The following SLC7A14 variants were observed in gnomAD, a reference collection of about 807,000 sequenced individuals.
SLC7A14 encodes the protein solute carrier family 7 member 14, also known as gamma-aminobutyric acid transporter SLC7A14.
Under a neutral mutation model 60.2 loss-of-function variants are expected in SLC7A14, and 37 were observed. That is an observed-to-expected ratio of 0.61 (90% confidence interval 0.47 to 0.81). The LOEUF (loss-of-function observed/expected upper bound fraction) is 0.81, where lower values mean the gene tolerates loss of function less well. Among genes scored for constraint, SLC7A14 ranks in the 30% least tolerant of loss-of-function variants. The probability of loss-of-function intolerance (pLI) is 0.00; values close to 1 mark genes in which losing one functional copy is unlikely to be tolerated. For synonymous variants in SLC7A14, 399 were observed against 395.8 expected (o/e 1.01, Z -0.10); for missense variants, 886 against 982.7 (o/e 0.90, Z 1.32).
At chr3:170,496,381 T>G (rs373451686) in intron 4 of SLC7A14, 3 of 1,416,426 alleles carry the variant, frequency 2.1e-6, no homozygotes, top group African/African-American at 2.8e-5. Flanking sequence ...ATCAGCCGGC[T>G]CCAGGCTGAG....
intron 7 of SLC7A14, among the ~76,000 whole-genome samples, chr3:170,472,291 C>T (rs1345304817): frequency 6.6e-6 from 1 of 151,180 alleles, no homozygotes; most frequent in Non-Finnish European, 1.5e-5. Context: ...ACTGCTTGAA[C>T]CCAGGAGGTG....
chr3:170,474,887 G>A (rs1245915237), intron 7 of SLC7A14, among the ~76,000 whole-genome samples: 1 of 152,190 alleles, frequency 6.6e-6, no homozygotes, highest in Non-Finnish European at 1.5e-5. Flanking sequence ...TATGGTAAGG[G>A]CAAGCTATTC....
intron 2 of SLC7A14, among the ~76,000 whole-genome samples, chr3:170,524,227 T>C (rs866569825): frequency 6.6e-6 from 1 of 152,220 alleles, no homozygotes; most frequent in Non-Finnish European, 1.5e-5. Flanking sequence ...CCTCCATAGC[T>C]GATGCCAAGT....
chr3:170,527,024 C>T lies in SLC7A14; in HGVS notation c.-88G>A. The T allele has an allele frequency of 2.2e-6, 3 of 1,391,780 alleles. No homozygotes were observed. Among genetic ancestry groups the T allele is most frequent in the Non-Finnish European group, 1.9e-6 (2 of 1,036,792 alleles). The allele number at this position is 1,391,780 out of a possible 1,614,324, so 86.2% of individuals were successfully genotyped here. ...ATGGTTCTGGAACTCATCTAGTGAA[C>T]AGGGATCTCCCTTTTAGGAAAGGCC... On this transcript the variant is annotated 5_prime_UTR_variant, in exon 2 of 8. Coordinates refer to ENST00000231706, the MANE Select transcript of SLC7A14 (RefSeq NM_020949.3).
In SLC7A14 at chr3:170,483,415, C is replaced by T. The variant is rs751319717; in HGVS notation, c.1014G>A (p.Val338=). ...AHGFYAAKFV[V]AIGSVAGLTV... ...TCAGTCCTGCAACCGACCCAATGGC[C>T]ACTACGAATTTGGCAGCATAGAACC... Residue 338 remains valine (V), a synonymous_variant, in exon 6 of 8, where the codon GTG becomes GTA. Transcript: ENST00000231706. 1 of 1,614,232 alleles carries T rather than the reference C, an allele frequency of 6.2e-7. No homozygotes were observed. Among genetic ancestry groups the T allele is most frequent in the South Asian group, 1.1e-5 (1 of 91,086 alleles).
intron 7 of SLC7A14, among the ~76,000 whole-genome samples, chr3:170,477,745 T>G (rs558697468): frequency 6.6e-6 from 1 of 152,342 alleles, no homozygotes; most frequent in South Asian, 2.1e-4. Context: ...CAGGTGAAAA[T>G]GTACAATAAC....
At chr3:170,574,525 T>C (rs1014407768) in intron 1 of SLC7A14, among the ~76,000 whole-genome samples, 1 of 152,232 alleles carries the variant, frequency 6.6e-6, no homozygotes, top group Non-Finnish European at 1.5e-5. Context: ...TCTGCCCTTT[T>C]TCTTCCTGAG....
chr3:170,474,329 G>C (rs1711550882), intron 7 of SLC7A14, among the ~76,000 whole-genome samples: 3 of 152,220 alleles, frequency 2.0e-5, no homozygotes, highest in Admixed American at 2.0e-4. Context: ...AGGAGAGCCA[G>C]TGTCTCAGCT....
chr3:170,551,605 G>A (rs1714354059), intron 1 of SLC7A14, among the ~76,000 whole-genome samples: 2 of 152,200 alleles, frequency 1.3e-5, no homozygotes, highest in African/African-American at 2.4e-5. Context: ...TAAAGGGTGT[G>A]AAGTTGTATC....
rs761097710 is a variant in SLC7A14 at position 170,481,094 on chromosome 3, C to T, written c.1188G>A (p.Ala396=). ...VACIVSGFLA[A]LLALLVSLRD... is the part of the protein sequence containing the mutation. ...TCAAGCTGACCAACAGTGCGAGGAG[C>T]GCTGCCAGGAACCCCGACACGATGC... Residue 396 remains alanine (A), a synonymous_variant, in exon 7 of 8, where the codon GCG becomes GCA. Coordinates refer to ENST00000231706, the MANE Select transcript of SLC7A14 (RefSeq NM_020949.3). The T allele has an allele frequency of 6.8e-6, 11 of 1,614,108 alleles. No individual in the cohort carries two copies. The highest frequency in any genetic ancestry group is 2.2e-5 in the East Asian group (1 of 44,876).
At chr3:170,513,597 G>A (rs7431790) in intron 2 of SLC7A14, among the ~76,000 whole-genome samples, 3 of 152,196 alleles carry the variant, frequency 2.0e-5, no homozygotes, top group South Asian at 2.1e-4. Context: ...TGAGAGTGAC[G>A]AGTGGTGAAG....
chr3:170,516,360 A>G (rs1371529267), intron 2 of SLC7A14, among the ~76,000 whole-genome samples: 1 of 152,150 alleles, frequency 6.6e-6, no homozygotes, highest in Non-Finnish European at 1.5e-5. Context: ...GGTGAGGTAC[A>G]GGGTCTTTTG....
intron 4 of SLC7A14, chr3:170,496,333 G>A (rs767786924): frequency 8.2e-6 from 9 of 1,102,144 alleles, no homozygotes; most frequent in Non-Finnish European, 1.3e-5. Flanking sequence ...GATGACCTGC[G>A]GTGTACAAAG....
chr3:170,470,745 G>GAGAGA (rs1224444257), intron 7 of SLC7A14, among the ~76,000 whole-genome samples: 2 of 152,226 alleles, frequency 1.3e-5, no homozygotes, highest in East Asian at 3.9e-4. Flanking sequence ...GAGGGAGAGA[G>GAGAGA]AGAGAAGAGA....
chr3:170,546,961 A>G (rs1714198187), intron 1 of SLC7A14, among the ~76,000 whole-genome samples: 1 of 152,194 alleles, frequency 6.6e-6, no homozygotes, highest in Non-Finnish European at 1.5e-5. Context: ...TTTTAAAAAT[A>G]ATAATGTCCA....
Position 170,480,894 on chromosome 3 carries a change from G to A in SLC7A14, c.1388C>T (p.Ala463Val). 3 of 1,614,068 alleles carry A rather than the reference G, an allele frequency of 1.9e-6. No individual in the cohort carries two copies. The highest frequency in any genetic ancestry group is 2.5e-6 in the Non-Finnish European group (3 of 1,180,024). The change falls in exon 7 of 8, where the codon GCT becomes GTT. Residue 463 changes from alanine (A) to valine (V), a missense_variant. Coordinates refer to ENST00000231706, the MANE Select transcript of SLC7A14 (RefSeq NM_020949.3). Reference protein sequence around the residue: ...EGILADCEKEACSPVSEGDEF... With the variant: ...EGILADCEKEVCSPVSEGDEF... The stretch of plus-strand genomic sequence containing the variant: ...ATCCCCCTCACTCACAGGAGAACAA[G>A]CTTCCTTCTCACAGTCAGCCAGAAT...
intron 5 of SLC7A14, among the ~76,000 whole-genome samples, chr3:170,484,711 A>T (rs59116142): frequency 0.16 from 24,317 of 152,168 alleles, 2,028 homozygotes; most frequent in East Asian, 0.23. Context: ...TGTTCTTCTC[A>T]TGGTGGGGGA....
intron 1 of SLC7A14, among the ~76,000 whole-genome samples, chr3:170,537,769 A>G (rs1200118578): frequency 1.3e-5 from 2 of 152,214 alleles, no homozygotes; most frequent in Non-Finnish European, 2.9e-5. Context: ...TTGAGGCCAC[A>G]CCCAAGTGAT....
chr3:170,498,962 A>G (rs945065124), intron 3 of SLC7A14, 78 bp from the exon 4 acceptor site: 8 of 1,383,648 alleles, frequency 5.8e-6, no homozygotes, highest in Non-Finnish European at 8.1e-6. Flanking sequence ...ACCCCACTGC[A>G]TCCGTACTCA....
Sources: allele counts gnomAD v4.1 joint callset (sites outside exome capture counted in the v4.1 genomes callset), GRCh38; gene constraint gnomAD v4.1.1; transcripts MANE v1.5; gene names NCBI Gene and HGNC (gene_info 2026-07-23, HGNC 2026-07-21).